TLR5: variants seen among roughly 807,000 people sequenced by gnomAD.
TLR5 encodes toll-like receptor 5.
For missense variants in TLR5, 944 were observed against 999.8 expected, an observed-to-expected ratio of 0.94 and a Z score of 0.75; for synonymous variants, 373 against 384.4, an observed-to-expected ratio of 0.97 and a Z score of 0.35.
chr1:223,141,816 TATATATAGAGAGAGAGAG>T (rs1408009958), intron 1 of TLR5, 53 bp from the exon 2 acceptor site: 68 of 43,516 alleles, frequency 1.6e-3, no homozygotes, highest in Middle Eastern at 0.016. Flanking sequence ...TATATATATA[TATATATAGAGAGAGAGAG>T]AGAGAGAGAG....
Position 223,112,382 on chromosome 1 carries a change from C to G in TLR5, c.650G>C (p.Gly217Ala). Reference protein sequence around the residue: ...SLYSRVSVDWGKCMNPFRNMV... With the variant: ...SLYSRVSVDWAKCMNPFRNMV... The stretch of plus-strand genomic sequence containing the variant: ...GTTTCTGAATGGGTTCATACATTTT[C>G]CCCAGTCCACTGAGACTCTGCTATA... The change falls in exon 6 of 6, where the codon GGA becomes GCA. Residue 217 changes from glycine (G) to alanine (A), a missense_variant. Coordinates refer to ENST00000642603, the MANE Select transcript of TLR5 (RefSeq NM_003268.6). The G allele has an allele frequency of 1.9e-6, 3 of 1,614,186 alleles. No individual in the cohort carries two copies. The highest frequency in any genetic ancestry group is 2.5e-6 in the Non-Finnish European group (3 of 1,180,042).
At chr1:223,114,257 G>A (rs1261066412) in intron 5 of TLR5, among the ~76,000 whole-genome samples, 1 of 152,170 alleles carries the variant, frequency 6.6e-6, no homozygotes, top group Non-Finnish European at 1.5e-5. Context: ...TCTGGCTTAT[G>A]TTCCAAGTAT....
rs1657284711 is a variant in TLR5, at chr1:223,128,979, T to G, written c.-5+3496A>C. 4 of 152,454 alleles carry G rather than the reference T, an allele frequency of 2.6e-5. No individual in the cohort carries two copies. In the South Asian group the frequency reaches 8.3e-4, roughly 32 times the overall value. The allele number at this position is 152,454 out of a possible 1,614,324, so 9.4% of individuals were successfully genotyped here. A position where few individuals can be genotyped will look rare whatever the true frequency, so the allele number is the denominator to read the frequency against. The stretch of plus-strand genomic sequence containing the variant: ...CTGCCAGTGACAGGAGGGCCTTCTC[T>G]CCGACCTTCCTCACAACCGCCCTCT... On this transcript the variant is annotated intron_variant, in intron 5 of 5. Transcript: ENST00000642603.
rs534734456 is a variant in TLR5, at chr1:223,140,248, C to CA, written c.-439+1399dup. ...GTAGGCATAAAGTAAAGGAGGCACA[C>CA]AAAAAACGCATGGTCAGGCTGGGTG... is the stretch of plus-strand genomic sequence containing the variant. On this transcript the variant is annotated intron_variant, in intron 2 of 5. Transcript: ENST00000642603. Among the ~76,000 whole-genome samples the CA allele has an allele frequency of 6.2e-3, 937 of 152,152 alleles. 6 individuals carry two copies. The highest frequency in any genetic ancestry group is 0.01 in the Middle Eastern group (3 of 294).
chr1:223,114,097 A>T (rs1656506420), intron 5 of TLR5, among the ~76,000 whole-genome samples: 1 of 152,218 alleles, frequency 6.6e-6, no homozygotes, highest in South Asian at 2.1e-4. Context: ...ATAAGTGCCT[A>T]GTGCTCGCCT....
chr1:223,124,731 G>A (rs1381538899), intron 5 of TLR5, among the ~76,000 whole-genome samples: 1 of 152,150 alleles, frequency 6.6e-6, no homozygotes, highest in Admixed American at 6.5e-5. Flanking sequence ...AGCCTCCTGA[G>A]TAGCTGGGAT....
chr1:223,116,173 G>A (rs144985655), intron 5 of TLR5, among the ~76,000 whole-genome samples: 225 of 152,290 alleles, frequency 1.5e-3, no homozygotes, highest in African/African-American at 5.2e-3. Context: ...TACTGTGTCC[G>A]AAATTGGTGG....
Position 223,110,834 on chromosome 1 carries a change from T to A in TLR5, c.2198A>T (p.Asp733Val). 6.2e-7 allele frequency: 1 copy of A among 1,614,220 alleles called. No individual in the cohort carries two copies. Among genetic ancestry groups the A allele is most frequent in the Non-Finnish European group, 8.5e-7 (1 of 1,180,026 alleles). ...AATGCGGTTTTCTCCTGGGACAAAG[T>A]CTCTTTCTTCAAAGCACAGGTTGAA... ...NRFNLCFEER[D>V]FVPGENRIAN... The change falls in exon 6 of 6, where the codon GAC becomes GTC. Residue 733 changes from aspartate to valine, a missense_variant. Coordinates refer to ENST00000642603, the MANE Select transcript of TLR5 (RefSeq NM_003268.6).
In TLR5 at chr1:223,109,680, T is replaced by C. The variant is rs1194649830; in HGVS notation, c.*775A>G. 3 of 152,496 alleles carry C rather than the reference T, an allele frequency of 2.0e-5. No homozygotes were observed. Among genetic ancestry groups the C allele is most frequent in the East Asian group, 3.8e-4 (2 of 5,298 alleles). The allele number at this position is 152,496 out of a possible 1,614,324, so 9.4% of individuals were successfully genotyped here. On this transcript the variant is annotated 3_prime_UTR_variant, in exon 6 of 6. Coordinates refer to ENST00000642603, the MANE Select transcript of TLR5 (RefSeq NM_003268.6). ...AGCTGACTCAGAACTCAACCCAGGA[T>C]CTGTGTGCAAAGTCCATGTTCTTCA...
chr1:223,112,549 G>T lies in TLR5; in HGVS notation c.483C>A (p.Tyr161Ter). The T allele has an allele frequency of 6.2e-7, 1 of 1,614,252 alleles. No homozygotes were observed. The highest frequency in any genetic ancestry group is 8.5e-7 in the Non-Finnish European group (1 of 1,180,054). Residue 161 changes from tyrosine to a stop codon, truncating the protein, a stop_gained, in exon 6 of 6, where the codon TAC (tyrosine) becomes TAA (stop). Coordinates refer to ENST00000642603, the MANE Select transcript of TLR5 (RefSeq NM_003268.6). LOFTEE classifies it low-confidence loss of function (END_TRUNC). ...DLSKNQIRSL[Y>*]LHPSFGKLNS... ...TCAACTTCCCAAATGAAGGATGAAG[G>T]TAAAGGCTACGAATCTGATTTTTGG...
chr1:223,115,632 G>A (rs940828040), intron 5 of TLR5, among the ~76,000 whole-genome samples: 1 of 91,236 alleles, frequency 1.1e-5, no homozygotes, highest in South Asian at 3.4e-4. Context: ...CATTCTGGTG[G>A]ACGGAAGAGG....
chr1:223,112,355 A>T lies in TLR5; in HGVS notation c.677T>A (p.Met226Lys), dbSNP rs531968564. 4 of 1,614,188 alleles carry T rather than the reference A, an allele frequency of 2.5e-6. No homozygotes were observed. In the East Asian group the frequency reaches 8.9e-5, roughly 36 times the overall value. Residue 226 changes from methionine to lysine, a missense_variant, in exon 6 of 6, where the codon ATG becomes AAG. Met to Lys is a moderately conservative substitution (Grantham distance 95). Transcript: ENST00000642603. ...WGKCMNPFRN[M>K]VLEILDVSGN... Reference sequence around the variant, plus strand: ...AGAAACATCTAGTATCTCCAGCACCATGTTTCTGAATGGGTTCATACATTT... The same window carrying T: ...AGAAACATCTAGTATCTCCAGCACCTTGTTTCTGAATGGGTTCATACATTT...
chr1:223,125,533 G>A (rs1024746158), intron 5 of TLR5, among the ~76,000 whole-genome samples: 10 of 151,826 alleles, frequency 6.6e-5, no homozygotes, highest in African/African-American at 2.4e-4. Context: ...AATCACCTGG[G>A]AAGTCTTCAG....
At chr1:223,117,072 T>C (rs1188750445) in intron 5 of TLR5, among the ~76,000 whole-genome samples, 1 of 152,124 alleles carries the variant, frequency 6.6e-6, no homozygotes, top group Non-Finnish European at 1.5e-5. Flanking sequence ...GACTCGGGTA[T>C]GGCGGGCTGC....
chr1:223,142,418 C>T (rs1657916916), intron 1 of TLR5, among the ~76,000 whole-genome samples: 2 of 152,220 alleles, frequency 1.3e-5, no homozygotes, highest in South Asian at 4.1e-4. Context: ...ACCGCTCTCC[C>T]TCCTCCGGGA....
chr1:223,114,892 A>G (rs1009519945), intron 5 of TLR5, among the ~76,000 whole-genome samples: 7 of 151,924 alleles, frequency 4.6e-5, no homozygotes, highest in African/African-American at 7.3e-5. Context: ...CCAATATCCA[A>G]TCCCTCAGCA....
chr1:223,126,870 T>C (rs1657188386), intron 5 of TLR5: 1 of 152,350 alleles, frequency 6.6e-6, no homozygotes, highest in Admixed American at 6.5e-5. Flanking sequence ...TGCCAAGCAC[T>C]GTTAATTAAG....
chr1:223,112,732 C>T lies in TLR5; in HGVS notation c.300G>A (p.Leu100=). ...AFRNLPNLRI[L]DLGSSKIYFL... is the part of the protein sequence containing the mutation. The stretch of plus-strand genomic sequence containing the variant: ...AGTATATCTTACTACTTCCCAGGTC[C>T]AAGATTCTAAGGTTGGGCAGGTTTC... The change falls in exon 6 of 6, where the codon TTG becomes TTA. Residue 100 remains leucine (L), a synonymous_variant. Transcript: ENST00000642603. 6.2e-7 allele frequency: 1 copy of T among 1,614,162 alleles called. No individual in the cohort carries two copies. The highest frequency in any genetic ancestry group is 8.5e-7 in the Non-Finnish European group (1 of 1,180,042).
chr1:223,123,420 GA>G (rs1233053613), intron 5 of TLR5: 1 of 152,232 alleles, frequency 6.6e-6, no homozygotes, highest in Admixed American at 6.5e-5. Context: ...AAGCTAAAAT[GA>G]AAGTAAGTAA....
Sources: allele counts gnomAD v4.1 joint callset (sites outside exome capture counted in the v4.1 genomes callset), GRCh38; gene constraint gnomAD v4.1.1; transcripts MANE v1.5; gene names NCBI Gene and HGNC (gene_info 2026-07-23, HGNC 2026-07-21).